Variants in BBS9 observed in about 807,000 individuals in gnomAD.
BBS9 encodes protein PTHB1.
Under a neutral mutation model 117.7 loss-of-function variants are expected in BBS9, and 89 were observed. The observed-to-expected ratio is 0.76, with a 90% CI of 0.64 to 0.90. The LOEUF (loss-of-function observed/expected upper bound fraction) is 0.90. Among genes scored for constraint, BBS9 ranks in the 40% least tolerant of loss-of-function variants. The pLI, the probability that BBS9 is intolerant of heterozygous loss-of-function variation, is 0.00. For synonymous variants in BBS9, 379 were observed against 370.9 expected, an observed-to-expected ratio of 1.02 and a Z score of -0.25; for missense variants, 982 against 1,042.2, an observed-to-expected ratio of 0.94 and a Z score of 0.80.
intron 5 of BBS9, among the ~76,000 whole-genome samples, chr7:33,211,536 TTA>T (rs762437353): frequency 2.6e-5 from 4 of 152,204 alleles, no homozygotes; most frequent in Non-Finnish European, 5.9e-5. Flanking sequence ...TTGTTTCTCT[TTA>T]TGTCTTATTG....
intron 17 of BBS9, among the ~76,000 whole-genome samples, chr7:33,372,435 T>C (rs1230510200): frequency 6.6e-6 from 1 of 152,222 alleles, no homozygotes; most frequent in East Asian, 1.9e-4. Flanking sequence ...TTCATTCTGT[T>C]AATATGATGT....
At chr7:33,198,692 A>G (rs1785328762) in intron 5 of BBS9, among the ~76,000 whole-genome samples, 1 of 152,016 alleles carries the variant, frequency 6.6e-6, no homozygotes, top group Non-Finnish European at 1.5e-5. Context: ...TTTTTCAATA[A>G]TAAAGTATAA....
intron 17 of BBS9, among the ~76,000 whole-genome samples, chr7:33,371,183 C>T (rs1822797216): frequency 6.6e-6 from 1 of 152,038 alleles, no homozygotes. Flanking sequence ...AAGACAGTTC[C>T]TTTAATAATA....
At chr7:33,227,737 C>T (rs1791573621) in intron 5 of BBS9, among the ~76,000 whole-genome samples, 1 of 152,180 alleles carries the variant, frequency 6.6e-6, no homozygotes, top group Non-Finnish European at 1.5e-5. Flanking sequence ...AATTACTTCA[C>T]TTAGAATAAT....
In BBS9 at chr7:33,344,598, G is replaced by C. The variant is rs767170924; in HGVS notation, c.1293G>C (p.Glu431Asp). ...FDSVSQATDV[E>D]VGTDLVPSVT... ...GTTTACAGCAAGCGACCGATGTTGA[G>C]GTGGGAACTGACCTTGTCCCTTCTG... is the stretch of plus-strand genomic sequence containing the variant. The change falls in exon 12 of 23, where the codon GAG (glutamate) becomes GAC (aspartate). Residue 431 changes from glutamate to aspartate, a missense_variant. Physicochemically the swap from Glu to Asp is conservative, Grantham distance 45. Coordinates refer to ENST00000242067, the MANE Select transcript of BBS9 (RefSeq NM_198428.3). The C allele has an allele frequency of 1.7e-5, 27 of 1,614,086 alleles. No individual in the cohort carries two copies. Among genetic ancestry groups the C allele is most frequent in the Non-Finnish European group, 2.3e-5 (27 of 1,179,988 alleles).
chr7:33,300,612 G>GTTTTTTTTTTT (rs374179445), intron 9 of BBS9, among the ~76,000 whole-genome samples: 1 of 136,034 alleles, frequency 7.4e-6, no homozygotes. Context: ...GACTTTCCTT[G>GTTTTTTTTTTT]TTTTTTTTTT....
intron 4 of BBS9, among the ~76,000 whole-genome samples, chr7:33,163,133 A>G (rs1170377543): frequency 6.6e-6 from 1 of 152,126 alleles, no homozygotes; most frequent in East Asian, 1.9e-4. Flanking sequence ...GATTATGTTT[A>G]TTGATTTGCA....
intron 5 of BBS9, among the ~76,000 whole-genome samples, chr7:33,256,126 G>A (rs796694120): frequency 3.3e-5 from 5 of 152,100 alleles, no homozygotes; most frequent in East Asian, 1.9e-4. Flanking sequence ...GCACTCCAGC[G>A]TGGCAACAGA....
chr7:33,376,689 A>G (rs903160076), intron 17 of BBS9, among the ~76,000 whole-genome samples: 1 of 152,162 alleles, frequency 6.6e-6, no homozygotes, highest in Non-Finnish European at 1.5e-5. Context: ...TCTTCTCTGC[A>G]ATCTTGCTAG....
intron 5 of BBS9, among the ~76,000 whole-genome samples, chr7:33,255,331 A>G (rs1321434939): frequency 2.1e-5 from 3 of 143,420 alleles, no homozygotes; most frequent in African/African-American, 7.8e-5. Context: ...TTGGTTGTAT[A>G]GTGTAAGATA....
rs145491893 is a variant in BBS9, at chr7:33,551,013, T to C, written c.2521+16837T>C. Among the ~76,000 whole-genome samples, 37 of 152,296 alleles carry C rather than the reference T, an allele frequency of 2.4e-4. No homozygotes were observed. The East Asian group carries it at 7.1e-3, about 29-fold the overall frequency. ...ATACTCCAGTGTCATGTGGAAAATG[T>C]TACCAAAAAAATAAAATGATGTCAC... is the stretch of plus-strand genomic sequence containing the variant. On this transcript the variant is annotated intron_variant, in intron 21 of 22. Coordinates refer to ENST00000242067, the MANE Select transcript of BBS9 (RefSeq NM_198428.3).
intron 19 of BBS9, among the ~76,000 whole-genome samples, chr7:33,500,713 A>T (rs1190949359): frequency 6.6e-6 from 1 of 152,202 alleles, no homozygotes; most frequent in Non-Finnish European, 1.5e-5. Flanking sequence ...AAGAAATTGG[A>T]CATGTCCGTG....
intron 5 of BBS9, among the ~76,000 whole-genome samples, chr7:33,205,330 G>T (rs533401962): frequency 8.6e-5 from 13 of 152,006 alleles, no homozygotes; most frequent in Non-Finnish European, 1.6e-4. Context: ...TCCCTCTCTA[G>T]ACCTCCTTTT....
intron 20 of BBS9, among the ~76,000 whole-genome samples, chr7:33,531,919 C>T (rs558443263): frequency 1.3e-5 from 2 of 152,362 alleles, no homozygotes; most frequent in African/African-American, 4.8e-5. Context: ...CTCCAAAGCT[C>T]TCCCAACTTT....
chr7:33,544,105 G>A (rs572713750), intron 21 of BBS9, among the ~76,000 whole-genome samples: 3 of 152,044 alleles, frequency 2.0e-5, no homozygotes, highest in Admixed American at 2.0e-4. Context: ...TTTCACTTCT[G>A]GTATCATTTT....
intron 21 of BBS9, among the ~76,000 whole-genome samples, chr7:33,612,700 G>T (rs1864940973): frequency 6.6e-6 from 1 of 152,010 alleles, no homozygotes; most frequent in Non-Finnish European, 1.5e-5. Flanking sequence ...TCTGCTAGGA[G>T]TCTTGTTTGC....
chr7:33,329,173 A>C (rs1389426844), intron 9 of BBS9, among the ~76,000 whole-genome samples: 5 of 151,994 alleles, frequency 3.3e-5, no homozygotes, highest in Non-Finnish European at 7.4e-5. Flanking sequence ...GGTGCACATC[A>C]CCACTCCCAG....
chr7:33,499,625 AG>A (rs1019032007), intron 19 of BBS9, among the ~76,000 whole-genome samples: 2 of 152,192 alleles, frequency 1.3e-5, no homozygotes, highest in African/African-American at 4.8e-5. Flanking sequence ...ACTGATATGC[AG>A]GCAGAAGGTT....
At chr7:33,434,211 T>TA (rs1432399265) in intron 19 of BBS9, among the ~76,000 whole-genome samples, 1 of 151,338 alleles carries the variant, frequency 6.6e-6, no homozygotes, top group Non-Finnish European at 1.5e-5. Flanking sequence ...TATTAGCCTT[T>TA]AAAAAACTCT....
Sources: allele counts gnomAD v4.1 joint callset (sites outside exome capture counted in the v4.1 genomes callset), GRCh38; gene constraint gnomAD v4.1.1; transcripts MANE v1.5; gene names NCBI Gene and HGNC (gene_info 2026-07-23, HGNC 2026-07-21).